Variants in PEPD observed in about 807,000 individuals in gnomAD.
PEPD encodes the protein xaa-Pro dipeptidase.
In PEPD, 53 loss-of-function variants were observed where a neutral mutation model predicts 60.7. That is an observed-to-expected ratio of 0.87 (90% CI 0.70 to 1.10). PEPD has a LOEUF of 1.10. Ranked by LOEUF, PEPD falls within the 50% of genes least tolerant of loss-of-function variation. The pLI is 0.00. For synonymous variants in PEPD, 267 were observed against 284.1 expected, an observed-to-expected ratio of 0.94 and a Z score of 0.60; for missense variants, 711 against 711.9, an observed-to-expected ratio of 1.00 and a Z score of 0.01.
intron 9 of PEPD, among the ~76,000 whole-genome samples, chr19:33,421,172 T>C (rs1969009335): frequency 6.6e-6 from 1 of 152,232 alleles, no homozygotes; most frequent in African/African-American, 2.4e-5. Flanking sequence ...TGTACAGTCT[T>C]TTGGGGCCCA....
chr19:33,505,538 CAA>C (rs577328386), intron 3 of PEPD, among the ~76,000 whole-genome samples: 10 of 152,078 alleles, frequency 6.6e-5, no homozygotes, highest in African/African-American at 9.7e-5. Flanking sequence ...GCCTGCACGG[CAA>C]AGAGGGCCCC....
At chr19:33,464,371 A>T (rs1467875726) in intron 7 of PEPD, among the ~76,000 whole-genome samples, 1 of 152,208 alleles carries the variant, frequency 6.6e-6, no homozygotes, top group Non-Finnish European at 1.5e-5. Context: ...AGCTTGTCAC[A>T]GGCTGCCTCC....
chr19:33,487,871 C>T (rs1013837839), intron 6 of PEPD, among the ~76,000 whole-genome samples: 6 of 152,070 alleles, frequency 3.9e-5, no homozygotes, highest in Non-Finnish European at 8.8e-5. Flanking sequence ...AGAGGTCACA[C>T]CTAGGAATCC....
At chr19:33,389,415 C>T (rs1968160080) in intron 13 of PEPD, among the ~76,000 whole-genome samples, 2 of 152,216 alleles carry the variant, frequency 1.3e-5, no homozygotes, top group South Asian at 4.1e-4. Context: ...TGGGGCCTGT[C>T]TCCTGCCCAG....
At chr19:33,411,944 T>C (rs1211538349) in intron 10 of PEPD, among the ~76,000 whole-genome samples, 195 bp from the exon 11 acceptor site, 1 of 152,226 alleles carries the variant, frequency 6.6e-6, no homozygotes, top group East Asian at 1.9e-4. Flanking sequence ...CGCAGTCACA[T>C]GGCTGGCAAC....
At chr19:33,388,352 C>A in intron 13 of PEPD, 1 of 625,882 alleles carries the variant, frequency 1.6e-6, no homozygotes, top group Non-Finnish European at 3.0e-6. Flanking sequence ...TGCACACACC[C>A]GGGGCAAGCT....
At chr19:33,415,969 C>T (rs915656933) in intron 9 of PEPD, among the ~76,000 whole-genome samples, 6 of 152,218 alleles carry the variant, frequency 3.9e-5, no homozygotes, top group African/African-American at 7.2e-5. Context: ...GTGGGCAAAA[C>T]GAGCCCACGT....
At chr19:33,396,422 CCT>C (rs539983399) in intron 12 of PEPD, among the ~76,000 whole-genome samples, 18 of 152,302 alleles carry the variant, frequency 1.2e-4, no homozygotes, top group African/African-American at 4.1e-4. Context: ...CCTCAGTGCC[CCT>C]CTCTCGCCCC....
At chr19:33,478,455 A>C (rs1600147637) in intron 6 of PEPD, among the ~76,000 whole-genome samples, 1 of 152,352 alleles carries the variant, frequency 6.6e-6, no homozygotes, top group East Asian at 1.9e-4. Flanking sequence ...GAAAAACATT[A>C]ATCTACATAT....
intron 7 of PEPD, among the ~76,000 whole-genome samples, chr19:33,464,577 C>T (rs1479183870): frequency 3.3e-5 from 5 of 152,134 alleles, no homozygotes; most frequent in Admixed American, 1.3e-4. Context: ...ATTCCAGTTT[C>T]GTGTGTGCTG....
At chr19:33,467,647 T>C (rs906978109) in intron 7 of PEPD, among the ~76,000 whole-genome samples, 1 of 151,878 alleles carries the variant, frequency 6.6e-6, no homozygotes, top group Non-Finnish European at 1.5e-5. Context: ...AAACATATGA[T>C]GAAAAGATGG....
At chr19:33,474,095 C>T (rs1400451156) in intron 7 of PEPD, among the ~76,000 whole-genome samples, 1 of 152,192 alleles carries the variant, frequency 6.6e-6, no homozygotes, top group African/African-American at 2.4e-5. Context: ...GGAAGCCAAG[C>T]ATCTGCCCCC....
intron 7 of PEPD, among the ~76,000 whole-genome samples, chr19:33,475,234 C>A (rs1360669841): frequency 6.6e-6 from 1 of 151,714 alleles, no homozygotes; most frequent in African/African-American, 2.4e-5. Flanking sequence ...TCCCCATAAC[C>A]CTCCCACAGA....
At chr19:33,434,488 G>A (rs1355570106) in intron 9 of PEPD, among the ~76,000 whole-genome samples, 6 of 152,076 alleles carry the variant, frequency 3.9e-5, no homozygotes, top group Admixed American at 6.6e-5. Context: ...TGGAGGCATC[G>A]GGGCACCTCA....
At chr19:33,406,948 G>C (rs978109888) in intron 11 of PEPD, among the ~76,000 whole-genome samples, 2 of 152,188 alleles carry the variant, frequency 1.3e-5, no homozygotes, top group Non-Finnish European at 2.9e-5. Flanking sequence ...CCATGCCCAG[G>C]AGCAACACAA....
chr19:33,436,578 A>G (rs1375852180), intron 9 of PEPD, among the ~76,000 whole-genome samples: 6 of 152,218 alleles, frequency 3.9e-5, no homozygotes, highest in Non-Finnish European at 8.8e-5. Flanking sequence ...GAAGATGTTT[A>G]GGTCCTGCCA....
intron 11 of PEPD, among the ~76,000 whole-genome samples, chr19:33,410,458 A>G (rs12460300): frequency 1.3e-5 from 2 of 152,054 alleles, no homozygotes; most frequent in Non-Finnish European, 2.9e-5. Flanking sequence ...AGGTCTGGGC[A>G]TGTGTGTTCC....
rs551780405 is a variant in PEPD, at chr19:33,498,018, C to T, written c.393+2920G>A. On this transcript the variant is annotated intron_variant, in intron 4 of 14. Transcript: ENST00000244137. ...TGAGCCTCAGCCTCATATCTATGAA[C>T]GGGGTGGGGGCTACGGCCCAGCACA... Among the ~76,000 whole-genome samples, 179 of 152,096 alleles carry T rather than the reference C, an allele frequency of 1.2e-3. 1 individual carries two copies. Among genetic ancestry groups the T allele is most frequent in the African/African-American group, 2.3e-3 (97 of 41,520 alleles).
chr19:33,500,872 G>A, intron 4 of PEPD, 66 bp downstream of exon 4: 3 of 904,028 alleles, frequency 3.3e-6, no homozygotes, highest in Non-Finnish European at 5.6e-6. Context: ...TGGAAGGAGA[G>A]GAACTCCAGG....
Sources: gnomAD v4.1 joint callset for allele counts (sites outside exome capture counted in the v4.1 genomes callset) on GRCh38, gnomAD v4.1.1 for gene constraint, MANE v1.5 for transcripts, NCBI Gene and HGNC (gene_info 2026-07-23, HGNC 2026-07-21) for gene names.